The following KCNQ5 variants were observed in gnomAD, a reference collection of about 807,000 sequenced individuals.
KCNQ5 encodes potassium voltage-gated channel subfamily KQT member 5.
KCNQ5 carries 30 observed loss-of-function variants against 98.2 expected under a neutral mutation model. The ratio of observed to expected loss-of-function variants is 0.31; its 90% CI spans 0.23 to 0.41. KCNQ5 has a LOEUF of 0.41. KCNQ5 is among the 10% of genes least tolerant of loss of function. The pLI, the probability that KCNQ5 is intolerant of heterozygous loss-of-function variation, is 1.00. For missense variants in KCNQ5, 835 were observed against 1,182.5 expected, an observed-to-expected ratio of 0.71 and a Z score of 4.31; for synonymous variants, 458 against 449.4, an observed-to-expected ratio of 1.02 and a Z score of -0.24.
intron 11 of KCNQ5, among the ~76,000 whole-genome samples, chr6:73,171,641 C>T (rs1049350973): frequency 6.6e-6 from 1 of 152,208 alleles, no homozygotes; most frequent in Non-Finnish European, 1.5e-5. Context: ...TCGATAGCCA[C>T]AGGTGGCCAG....
At chr6:72,674,751 C>T (rs1399336344) in intron 1 of KCNQ5, among the ~76,000 whole-genome samples, 4 of 152,108 alleles carry the variant, frequency 2.6e-5, no homozygotes, top group Non-Finnish European at 5.9e-5. Flanking sequence ...GCCTGAGTGA[C>T]AGGGTGAGAT....
intron 3 of KCNQ5, among the ~76,000 whole-genome samples, chr6:73,058,116 A>G (rs968459551): frequency 6.6e-6 from 1 of 152,218 alleles, no homozygotes; most frequent in Non-Finnish European, 1.5e-5. Flanking sequence ...AGGCTTAAAC[A>G]TAAAACCTAA....
intron 1 of KCNQ5, among the ~76,000 whole-genome samples, chr6:72,855,819 G>A (rs1415670191): frequency 2.0e-5 from 3 of 152,140 alleles, no homozygotes; most frequent in Non-Finnish European, 4.4e-5. Flanking sequence ...TTAGATTTTA[G>A]CTAAAGGCCT....
intron 1 of KCNQ5, among the ~76,000 whole-genome samples, chr6:72,744,172 G>A (rs1337901128): frequency 6.6e-6 from 1 of 152,222 alleles, no homozygotes; most frequent in Non-Finnish European, 1.5e-5. Flanking sequence ...GCTCAGAGTA[G>A]GTGGGGAAGT....
At position 72,825,326 on chromosome 6, in the gene KCNQ5, A is replaced by T. The variant is rs1347490050; in HGVS notation, c.399-178582A>T. Among the ~76,000 whole-genome samples the T allele has an allele frequency of 2.0e-5, 3 of 152,098 alleles. No homozygotes were observed. In the East Asian group the frequency reaches 5.8e-4, roughly 29 times the overall value. ...ACTACTTTGGGTTGTGCTGCACTGTATTTCATTTATTTACTTACTGTACTT... is the reference window on the plus strand; with the variant it reads ...ACTACTTTGGGTTGTGCTGCACTGTTTTTCATTTATTTACTTACTGTACTT... On this transcript the variant is annotated intron_variant, in intron 1 of 13. Transcript: ENST00000370398.
intron 1 of KCNQ5, among the ~76,000 whole-genome samples, chr6:72,839,294 TATC>T (rs1776681520): frequency 6.6e-6 from 1 of 152,252 alleles, no homozygotes; most frequent in African/African-American, 2.4e-5. Flanking sequence ...AGAGATTTCA[TATC>T]ATTTTATACA....
At position 73,016,545 on chromosome 6, in the gene KCNQ5, A is replaced by G. The variant is rs75895699; in HGVS notation, c.489+12547A>G. ...TTGACATGTTCATGGAATCATGGATATGGCACCAAAATTCAGACAATATGC... is the reference window on the plus strand; with the variant it reads ...TTGACATGTTCATGGAATCATGGATGTGGCACCAAAATTCAGACAATATGC... On this transcript the variant is annotated intron_variant, in intron 2 of 13. Coordinates refer to ENST00000370398, the MANE Select transcript of KCNQ5 (RefSeq NM_019842.4). 2.9e-3 allele frequency among the ~76,000 whole-genome samples: 436 copies of G among 152,274 alleles called. 5 individuals carry two copies. The highest frequency in any genetic ancestry group is 0.025 in the East Asian group (131 of 5,172).
chr6:72,880,495 C>T (rs557447486), intron 1 of KCNQ5, among the ~76,000 whole-genome samples: 14 of 152,262 alleles, frequency 9.2e-5, no homozygotes, highest in African/African-American at 2.6e-4. Context: ...TTTTGACATA[C>T]GAATTTGAAG....
At chr6:73,188,835 T>A (rs1235559457) in intron 11 of KCNQ5, among the ~76,000 whole-genome samples, 1 of 151,834 alleles carries the variant, frequency 6.6e-6, no homozygotes, top group African/African-American at 2.4e-5. Flanking sequence ...ATACAAAAAA[T>A]TAGCAGGTAT....
chr6:72,809,172 CA>C (rs2150102236), intron 1 of KCNQ5, among the ~76,000 whole-genome samples: 1 of 141,546 alleles, frequency 7.1e-6, no homozygotes, highest in East Asian at 2.1e-4. Context: ...TATTCTCACT[CA>C]TAGGTGGGAA....
intron 5 of KCNQ5, among the ~76,000 whole-genome samples, chr6:73,082,856 T>C (rs1582320208): frequency 6.6e-6 from 1 of 151,244 alleles, no homozygotes; most frequent in East Asian, 1.9e-4. Context: ...GTTTGAATGC[T>C]TGCAAAGAGT....
At position 72,844,495 on chromosome 6, in the gene KCNQ5, C is replaced by T. The variant is rs112418336; in HGVS notation, c.399-159413C>T. Among the ~76,000 whole-genome samples the T allele has an allele frequency of 6.1e-3, 928 of 152,290 alleles. 6 individuals carry two copies. The highest frequency in any genetic ancestry group is 0.02 in the African/African-American group (838 of 41,554). On this transcript the variant is annotated intron_variant, in intron 1 of 13. Coordinates refer to ENST00000370398, the MANE Select transcript of KCNQ5 (RefSeq NM_019842.4). ...AAGACAGTATAAAATAGTAGAATTACTATAAGATAAACCCCTAACCTGTAT... is the reference window on the plus strand; with the variant it reads ...AAGACAGTATAAAATAGTAGAATTATTATAAGATAAACCCCTAACCTGTAT...
At position 72,787,908 on chromosome 6, in the gene KCNQ5, A is replaced by T. The variant is rs567520253; in HGVS notation, c.398+165321A>T. ...ATTTTGTTTATGTCTGTTCTGAGTC[A>T]CTATGTGCTGCTTTAATAGGTTTCT... On this transcript the variant is annotated intron_variant, in intron 1 of 13. Transcript: ENST00000370398. 1.4e-3 allele frequency among the ~76,000 whole-genome samples: 220 copies of T among 152,296 alleles called. 1 individual carries two copies. The highest frequency in any genetic ancestry group is 2.6e-3 in the Non-Finnish European group (179 of 68,024).
chr6:73,083,997 G>A (rs962100410), intron 5 of KCNQ5, among the ~76,000 whole-genome samples: 1 of 152,072 alleles, frequency 6.6e-6, no homozygotes. Flanking sequence ...CCCATTAACC[G>A]ACCACACTTT....
intron 1 of KCNQ5, among the ~76,000 whole-genome samples, chr6:72,832,047 G>A (rs1196269485): frequency 6.6e-6 from 1 of 152,176 alleles, no homozygotes; most frequent in Non-Finnish European, 1.5e-5. Context: ...TTGCCTACAG[G>A]TGATAAAAGT....
chr6:73,073,229 T>C (rs1032569779), intron 3 of KCNQ5, among the ~76,000 whole-genome samples: 1 of 152,192 alleles, frequency 6.6e-6, no homozygotes. Context: ...CTTATGCATG[T>C]TAGTGACTTG....
At chr6:72,929,985 T>G (rs527853822) in intron 1 of KCNQ5, among the ~76,000 whole-genome samples, 1 of 152,300 alleles carries the variant, frequency 6.6e-6, no homozygotes, top group East Asian at 1.9e-4. Context: ...TAGTGTAAGA[T>G]TTGATGCTCA....
chr6:72,782,054 T>G (rs898125071), intron 1 of KCNQ5, among the ~76,000 whole-genome samples: 32 of 131,434 alleles, frequency 2.4e-4, no homozygotes, highest in African/African-American at 9.0e-4. Context: ...CCTACATCAT[T>G]TTTCACTTTT....
chr6:73,158,117 C>G lies in KCNQ5; in HGVS notation c.1469-11629C>G, dbSNP rs867125973. 4.6e-4 allele frequency: 192 copies of G among 419,538 alleles called. 1 individual carries two copies. The highest frequency in any genetic ancestry group is 3.8e-3 in the Middle Eastern group (5 of 1,316). The allele number at this position is 419,538 out of a possible 1,614,324, so 26.0% of individuals were successfully genotyped here. A position where few individuals can be genotyped will look rare whatever the true frequency, so the allele number is the denominator to read the frequency against. ...AGTACAGGTGCTGCCGCCGCGCTCG[C>G]CCTCCCGCTACAGGTTGCTCCTGGT... On this transcript the variant is annotated intron_variant, in intron 10 of 13. Transcript: ENST00000370398.
Sources: allele counts gnomAD v4.1 joint callset (sites outside exome capture counted in the v4.1 genomes callset), GRCh38; gene constraint gnomAD v4.1.1; transcripts MANE v1.5; gene names NCBI Gene and HGNC (gene_info 2026-07-23, HGNC 2026-07-21).